The following UBE2Z variants were observed in gnomAD, a reference collection of about 807,000 sequenced individuals.
The protein encoded by UBE2Z is ubiquitin conjugating enzyme E2 Z, also known as ubiquitin-conjugating enzyme E2 Z.
In UBE2Z, 10 loss-of-function variants were observed where a neutral mutation model predicts 32.6. The ratio of observed to expected loss-of-function variants is 0.31; its 90% CI spans 0.19 to 0.52. UBE2Z has a LOEUF of 0.52. Ranked by LOEUF, UBE2Z falls within the 20% of genes least tolerant of loss-of-function variation. The pLI is 0.97. For synonymous variants in UBE2Z, 183 were observed against 190.8 expected (o/e 0.96, Z 0.34); for missense variants, 343 against 480.9 (o/e 0.71, Z 2.68).
chr17:48,918,815 C>T (rs1249515250), intron 4 of UBE2Z, among the ~76,000 whole-genome samples: 1 of 145,488 alleles, frequency 6.9e-6, no homozygotes, highest in Non-Finnish European at 1.5e-5. Context: ...GGTGTGATCT[C>T]AGCTCACTGC....
chr17:48,919,008 A>G (rs569301100), intron 4 of UBE2Z, among the ~76,000 whole-genome samples: 1 of 152,168 alleles, frequency 6.6e-6, no homozygotes, highest in South Asian at 2.1e-4. Flanking sequence ...CCGCCTCCCA[A>G]AGTGCTGGGA....
intron 3 of UBE2Z, 198 bp from the exon 4 acceptor site, chr17:48,915,878 G>T: frequency 1.3e-5 from 4 of 318,536 alleles, no homozygotes; most frequent in Non-Finnish European, 1.1e-5. Context: ...CCCCCCCCTT[G>T]ATTTGAGGAT....
intron 5 of UBE2Z, 40 bp from the exon 6 acceptor site, chr17:48,922,807 C>T (rs754231775): frequency 6.4e-7 from 1 of 1,560,788 alleles, no homozygotes; most frequent in Admixed American, 1.7e-5. Context: ...TGACCTGTAC[C>T]CCTGGGTTTC....
chr17:48,914,888 G>A lies in UBE2Z; in HGVS notation c.579-1188G>A, dbSNP rs1598072908. Among the ~76,000 whole-genome samples the A allele has an allele frequency of 7.2e-5, 11 of 152,274 alleles. 3 individuals are homozygous for A. Among genetic ancestry groups the A allele is most frequent in the Admixed American group, 7.2e-4 (11 of 15,290 alleles). On this transcript the variant is annotated intron_variant, in intron 3 of 6. Coordinates refer to ENST00000360943, the MANE Select transcript of UBE2Z (RefSeq NM_023079.5). ...ATACAAAAATTAGCCAGGCATGGTG[G>A]CGCATGCCTCTAGTCCCAGCTACTC...
chr17:48,923,094 G>T, intron 6 of UBE2Z, 157 bp downstream of exon 6: 5 of 564,800 alleles, frequency 8.9e-6, no homozygotes, highest in South Asian at 2.5e-5. Context: ...GGCCAAGGCG[G>T]GCGGATCACG....
At chr17:48,918,435 G>C (rs1156589928) in intron 4 of UBE2Z, among the ~76,000 whole-genome samples, 1 of 151,692 alleles carries the variant, frequency 6.6e-6, no homozygotes, top group Non-Finnish European at 1.5e-5. Context: ...CCAGGGTCAA[G>C]CAATTCTCCT....
intron 5 of UBE2Z, among the ~76,000 whole-genome samples, chr17:48,921,548 G>A (rs1275665902): frequency 6.6e-6 from 1 of 152,208 alleles, no homozygotes; most frequent in Non-Finnish European, 1.5e-5. Context: ...CCAGCCAAAT[G>A]TGTAGAGTAC....
chr17:48,909,781 C>T (rs893766880), intron 1 of UBE2Z, among the ~76,000 whole-genome samples: 1 of 152,074 alleles, frequency 6.6e-6, no homozygotes, highest in African/African-American at 2.4e-5. Context: ...TCTCCCCATG[C>T]CCCCATCACA....
chr17:48,914,890 G>A (rs923647566), intron 3 of UBE2Z, among the ~76,000 whole-genome samples: 4 of 152,180 alleles, frequency 2.6e-5, no homozygotes, highest in South Asian at 2.1e-4. Flanking sequence ...GCATGGTGGC[G>A]CATGCCTCTA....
intron 2 of UBE2Z, chr17:48,911,139 T>TGCTGCGACA: frequency 2.1e-6 from 1 of 472,944 alleles, no homozygotes; most frequent in East Asian, 3.5e-5. Context: ...AGCTTGACTA[T>TGCTGCGACA]TTATAGGGCA....
intron 2 of UBE2Z, 39 bp downstream of exon 2, chr17:48,910,919 T>C: frequency 6.7e-7 from 1 of 1,502,176 alleles, no homozygotes; most frequent in East Asian, 2.3e-5. Flanking sequence ...TTTTGGGAAA[T>C]TGGGGGCCAT....
intron 4 of UBE2Z, among the ~76,000 whole-genome samples, chr17:48,919,951 T>C (rs561133477): frequency 6.6e-5 from 10 of 152,262 alleles, no homozygotes; most frequent in Admixed American, 6.5e-4. Context: ...TTCTGTCTTT[T>C]TTTTTTCTCC....
At chr17:48,926,501 G>C (rs1490390140) in intron 6 of UBE2Z, among the ~76,000 whole-genome samples, 2 of 139,146 alleles carry the variant, frequency 1.4e-5, no homozygotes, top group Non-Finnish European at 3.1e-5. Context: ...TTGAGACCAA[G>C]TTTTACTCTT....
rs73986010 is a variant in UBE2Z, at chr17:48,925,954, T to C, written c.895-1010T>C. On this transcript the variant is annotated intron_variant, in intron 6 of 6. Coordinates refer to ENST00000360943, the MANE Select transcript of UBE2Z (RefSeq NM_023079.5). Reference sequence around the variant, plus strand: ...AAGTTGTGTACCTTTTGGGGGCTGTTGCACTGCTTTGCTGCCTAAGTCCCT... The same window carrying C: ...AAGTTGTGTACCTTTTGGGGGCTGTCGCACTGCTTTGCTGCCTAAGTCCCT... Among the ~76,000 whole-genome samples, 1,065 of 152,358 alleles carry C rather than the reference T, an allele frequency of 7.0e-3. 11 individuals carry two copies. The highest frequency in any genetic ancestry group is 0.062 in the South Asian group (298 of 4,832).
chr17:48,914,901 G>T (rs1458217738), intron 3 of UBE2Z, among the ~76,000 whole-genome samples: 1 of 152,072 alleles, frequency 6.6e-6, no homozygotes, highest in African/African-American at 2.4e-5. Flanking sequence ...CATGCCTCTA[G>T]TCCCAGCTAC....
intron 6 of UBE2Z, among the ~76,000 whole-genome samples, chr17:48,924,845 C>CAAAAAAAAAA (rs5820735): frequency 1.2e-5 from 1 of 85,752 alleles, no homozygotes. Flanking sequence ...GATTCTGTCT[C>CAAAAAAAAAA]AAAAAAAAAA....
At chr17:48,919,221 T>A (rs4255820) in intron 4 of UBE2Z, among the ~76,000 whole-genome samples, 62,472 of 151,464 alleles carry the variant, frequency 0.41, 15,368 homozygotes, top group East Asian at 0.71. Context: ...CCTGACCTTA[T>A]GATCCACCTG....
chr17:48,926,876 T>G (rs990403553), intron 6 of UBE2Z, 88 bp from the exon 7 acceptor site: 2 of 1,429,368 alleles, frequency 1.4e-6, no homozygotes, highest in Non-Finnish European at 9.4e-7. Flanking sequence ...GAAGTTGAGC[T>G]TTCATTTCAC....
intron 3 of UBE2Z, among the ~76,000 whole-genome samples, chr17:48,914,783 G>C (rs2040707797): frequency 6.6e-6 from 1 of 152,166 alleles, no homozygotes; most frequent in Non-Finnish European, 1.5e-5. Flanking sequence ...CCAGCACTTT[G>C]GGAGGCCGAG....
Sources: gnomAD v4.1 joint callset for allele counts (sites outside exome capture counted in the v4.1 genomes callset) on GRCh38, gnomAD v4.1.1 for gene constraint, MANE v1.5 for transcripts, NCBI Gene and HGNC (gene_info 2026-07-23, HGNC 2026-07-21) for gene names.